Variants in EPHA6 observed in about 807,000 individuals in gnomAD.
EPHA6 encodes the protein ephrin type-A receptor 6.
EPHA6 carries 50 observed loss-of-function variants against 112.0 expected under a neutral mutation model. That is an observed-to-expected ratio of 0.45 (90% confidence interval 0.36 to 0.56). The LOEUF (loss-of-function observed/expected upper bound fraction) is 0.56, where lower values mean the gene tolerates loss of function less well. Ranked by LOEUF, EPHA6 falls within the 20% of genes least tolerant of loss-of-function variation. The pLI is 0.00. For synonymous variants in EPHA6, 529 were observed against 490.7 expected (o/e 1.08, Z -1.03); for missense variants, 1,280 against 1,417.4 (o/e 0.90, Z 1.56).
At chr3:97,560,724 A>C (rs2093177675) in intron 11 of EPHA6, 1 of 152,026 alleles carries the variant, frequency 6.6e-6, no homozygotes, top group African/African-American at 2.4e-5. Context: ...CTATGGACGT[A>C]GCATCTAAGA....
intron 2 of EPHA6, among the ~76,000 whole-genome samples, chr3:96,942,262 C>T (rs1002000058): frequency 1.3e-5 from 2 of 152,212 alleles, no homozygotes; most frequent in African/African-American, 4.8e-5. Flanking sequence ...GTGGGCTCCA[C>T]CCAGTTCCAG....
intron 1 of EPHA6, among the ~76,000 whole-genome samples, chr3:96,829,260 A>T (rs1324881492): frequency 1.3e-5 from 2 of 152,170 alleles, no homozygotes; most frequent in African/African-American, 2.4e-5. Context: ...GAAACTTAAA[A>T]GGGAAAAAAA....
chr3:97,518,218 G>A (rs2092477520), intron 10 of EPHA6, among the ~76,000 whole-genome samples: 1 of 152,052 alleles, frequency 6.6e-6, no homozygotes. Context: ...AGTGCACAAG[G>A]TTTTCCCTTT....
At chr3:96,913,161 T>TACACACACACAC (rs768422240) in intron 2 of EPHA6, among the ~76,000 whole-genome samples, 41 of 123,236 alleles carry the variant, frequency 3.3e-4, no homozygotes, top group African/African-American at 4.6e-4. Context: ...AGACCCCGTC[T>TACACACACACAC]ACACACACAC....
In EPHA6 at chr3:97,372,043, G is replaced by A. The variant is rs574445030; in HGVS notation, c.1607-33107G>A. Among the ~76,000 whole-genome samples, 8 of 152,214 alleles carry A rather than the reference G, an allele frequency of 5.3e-5. No homozygotes were observed. In the South Asian group the frequency reaches 1.7e-3, roughly 32 times the overall value. On this transcript the variant is annotated intron_variant, in intron 5 of 17. Transcript: ENST00000389672. ...AATTTTAATTTTGCCCCGGTCCTGT[G>A]ATCTCGCCCTGCCTTCATTTACCTT...
chr3:97,519,490 T>C (rs1238392236), intron 10 of EPHA6, among the ~76,000 whole-genome samples: 1 of 152,194 alleles, frequency 6.6e-6, no homozygotes, highest in African/African-American at 2.4e-5. Flanking sequence ...TCCACACTAA[T>C]TGTAAAGCTG....
chr3:97,414,272 T>TG (rs1413835144), intron 6 of EPHA6, among the ~76,000 whole-genome samples: 1 of 152,054 alleles, frequency 6.6e-6, no homozygotes, highest in Admixed American at 6.6e-5. Flanking sequence ...AATAAAGGCA[T>TG]GGCTAAACAC....
rs375656564 is a variant in EPHA6 at position 97,315,617 on chromosome 3, T to C, written c.1606+71330T>C. ...AACTTTCATTTACACGTGATGTTTC[T>C]TAAAAGTGGCTTTGAAAACTGGGGG... On this transcript the variant is annotated intron_variant, in intron 5 of 17. Coordinates refer to ENST00000389672, the MANE Select transcript of EPHA6 (RefSeq NM_001080448.3). Among the ~76,000 whole-genome samples the C allele has an allele frequency of 7.6e-4, 115 of 151,868 alleles. 2 individuals carry two copies. The highest frequency in any genetic ancestry group is 2.7e-3 in the African/African-American group (113 of 41,446).
intron 14 of EPHA6, among the ~76,000 whole-genome samples, chr3:97,640,033 T>G (rs1024054564): frequency 3.3e-5 from 5 of 152,112 alleles, no homozygotes; most frequent in Non-Finnish European, 7.4e-5. Context: ...GCACTTAAAA[T>G]AGTAAAGCTC....
chr3:97,094,625 A>G (rs781069906), intron 3 of EPHA6, among the ~76,000 whole-genome samples: 2 of 152,152 alleles, frequency 1.3e-5, no homozygotes, highest in East Asian at 1.9e-4. Context: ...TGAGGTTTCA[A>G]TGATTGAAAT....
At position 97,542,662 on chromosome 3, in the gene EPHA6, A is replaced by C. The variant is rs565235537; in HGVS notation, c.2386+10119A>C. Among the ~76,000 whole-genome samples, 135 of 152,354 alleles carry C rather than the reference A, an allele frequency of 8.9e-4. 1 individual carries two copies. Among genetic ancestry groups the C allele is most frequent in the South Asian group, 3.7e-3 (18 of 4,824 alleles). On this transcript the variant is annotated intron_variant, in intron 11 of 17. Coordinates refer to ENST00000389672, the MANE Select transcript of EPHA6 (RefSeq NM_001080448.3). Reference sequence around the variant, plus strand: ...ATTTCTAGTTCTAGATCCCTGAAGAATCACCACACTGACTTCCACAATGGT... The same window carrying C: ...ATTTCTAGTTCTAGATCCCTGAAGACTCACCACACTGACTTCCACAATGGT...
At chr3:97,206,381 C>T (rs1394185049) in intron 3 of EPHA6, among the ~76,000 whole-genome samples, 1 of 152,008 alleles carries the variant, frequency 6.6e-6, no homozygotes, top group Non-Finnish European at 1.5e-5. Context: ...TTTAGGCCGC[C>T]TTATAAGACC....
intron 3 of EPHA6, among the ~76,000 whole-genome samples, chr3:97,037,816 A>G (rs77250424): frequency 0.014 from 2,121 of 152,160 alleles, 60 homozygotes; most frequent in African/African-American, 0.048. Context: ...CAATGTGGTA[A>G]TTCAGGGCAT....
intron 6 of EPHA6, among the ~76,000 whole-genome samples, chr3:97,448,028 T>C (rs2305894): frequency 0.12 from 18,816 of 152,172 alleles, 3,736 homozygotes; most frequent in African/African-American, 0.41. Flanking sequence ...GTTTTACTAC[T>C]GGGGAAACAC....
intron 5 of EPHA6, among the ~76,000 whole-genome samples, chr3:97,348,033 T>C (rs1230187704): frequency 6.6e-6 from 1 of 152,084 alleles, no homozygotes; most frequent in Non-Finnish European, 1.5e-5. Context: ...TCCAACTTAT[T>C]TTTTTGGCAA....
chr3:97,316,653 C>T (rs1336897372), intron 5 of EPHA6, among the ~76,000 whole-genome samples: 1 of 151,862 alleles, frequency 6.6e-6, no homozygotes, highest in Non-Finnish European at 1.5e-5. Context: ...GGTTTCTTTA[C>T]TTACATCAGA....
chr3:97,242,274 A>G (rs1024440467), intron 4 of EPHA6, among the ~76,000 whole-genome samples: 8 of 151,722 alleles, frequency 5.3e-5, no homozygotes, highest in Non-Finnish European at 1.0e-4. Flanking sequence ...ATCTTACTTC[A>G]TGCATTCTCC....
At chr3:97,462,696 A>T (rs1281492277) in intron 7 of EPHA6, among the ~76,000 whole-genome samples, 2 of 152,144 alleles carry the variant, frequency 1.3e-5, no homozygotes, top group African/African-American at 4.8e-5. Flanking sequence ...TTGAAGAAGG[A>T]TTTTACTTTT....
At chr3:97,187,244 A>G (rs555593076) in intron 3 of EPHA6, among the ~76,000 whole-genome samples, 33 of 152,194 alleles carry the variant, frequency 2.2e-4, no homozygotes, top group African/African-American at 7.5e-4. Context: ...AAATAGAAAA[A>G]TTAGAATAAT....
Sources: allele counts gnomAD v4.1 joint callset (sites outside exome capture counted in the v4.1 genomes callset), GRCh38; gene constraint gnomAD v4.1.1; transcripts MANE v1.5; gene names NCBI Gene and HGNC (gene_info 2026-07-23, HGNC 2026-07-21).